Variants in MAGI3 observed in about 807,000 individuals in gnomAD.
MAGI3 encodes membrane-associated guanylate kinase, WW and PDZ domain-containing protein 3.
In MAGI3, 43 loss-of-function variants were observed where a neutral mutation model predicts 121.8. The observed-to-expected ratio is 0.35, with a 90% CI of 0.28 to 0.46. The LOEUF (loss-of-function observed/expected upper bound fraction) is 0.46, where lower values mean the gene tolerates loss of function less well. MAGI3 is among the 20% of genes least tolerant of loss of function. The pLI is 1.00. For missense variants in MAGI3, 1,547 were observed against 1,797.3 expected (o/e 0.86, Z 2.52); for synonymous variants, 553 against 639.3 (o/e 0.86, Z 2.04).
At chr1:113,604,804 A>G (rs1649649528) in intron 6 of MAGI3, among the ~76,000 whole-genome samples, 1 of 151,326 alleles carries the variant, frequency 6.6e-6, no homozygotes, top group Admixed American at 6.6e-5. Flanking sequence ...CGTATAATAG[A>G]CATTGAAGAT....
intron 7 of MAGI3, among the ~76,000 whole-genome samples, chr1:113,618,997 GTAAAACA>G (rs1233249844): frequency 6.6e-6 from 1 of 152,154 alleles, no homozygotes; most frequent in East Asian, 1.9e-4. Context: ...TTTTTCTTCT[GTAAAACA>G]TACTATCGCC....
rs140774966 is a variant in MAGI3 at position 113,467,404 on chromosome 1, G to T, written c.316+76055G>T. ...AGAATGTTCCATGTGCTGATGAGAAGAATGTATTCTGCTTGTGTTGGTGAA... is the reference window on the plus strand; with the variant it reads ...AGAATGTTCCATGTGCTGATGAGAATAATGTATTCTGCTTGTGTTGGTGAA... On this transcript the variant is annotated intron_variant, in intron 1 of 20. Coordinates refer to ENST00000307546, the MANE Select transcript of MAGI3 (RefSeq NM_001142782.2). Among the ~76,000 whole-genome samples the T allele has an allele frequency of 5.3e-4, 80 of 152,278 alleles. 1 individual carries two copies. The East Asian group carries it at 0.013, about 24-fold the overall frequency.
rs1648430115 is a variant in MAGI3 at position 113,684,525 on chromosome 1, T to C, written c.*511T>C. 1 of 152,450 alleles carries C rather than the reference T, an allele frequency of 6.6e-6. No individual in the cohort carries two copies. Among genetic ancestry groups the C allele is most frequent in the Non-Finnish European group, 1.5e-5 (1 of 68,132 alleles). 9.4% of individuals were successfully genotyped at this position (152,450 alleles called of 1,614,324 possible). On this transcript the variant is annotated 3_prime_UTR_variant, in exon 21 of 21. Coordinates refer to ENST00000307546, the MANE Select transcript of MAGI3 (RefSeq NM_001142782.2). ...GAGACTGTTAACTCATCGTTAAAGA[T>C]GGCCGTTGTCTCTTCTAACAGCTAC...
chr1:113,513,305 G>A (rs1323496969), intron 1 of MAGI3, among the ~76,000 whole-genome samples: 1 of 152,076 alleles, frequency 6.6e-6, no homozygotes, highest in Non-Finnish European at 1.5e-5. Flanking sequence ...TCAAAAAAAA[G>A]ACCACGTCGC....
At chr1:113,419,094 T>C (rs1030420524) in intron 1 of MAGI3, among the ~76,000 whole-genome samples, 7 of 152,162 alleles carry the variant, frequency 4.6e-5, no homozygotes, top group East Asian at 1.9e-4. Flanking sequence ...ATAATTCTTA[T>C]AATGTAAATA....
chr1:113,633,333 G>C (rs1302816), intron 9 of MAGI3, among the ~76,000 whole-genome samples: 104,878 of 139,144 alleles, frequency 0.75, 40,028 homozygotes, highest in African/African-American at 0.85. Context: ...GGGATCTAGG[G>C]TTACTGCAAG....
intron 1 of MAGI3, among the ~76,000 whole-genome samples, chr1:113,393,003 C>T (rs1011823180): frequency 6.6e-5 from 10 of 152,132 alleles, no homozygotes; most frequent in African/African-American, 2.2e-4. Flanking sequence ...GAGAATATAA[C>T]TTATTTTTAG....
chr1:113,543,358 C>T (rs1001007676), intron 1 of MAGI3, among the ~76,000 whole-genome samples: 6 of 152,142 alleles, frequency 3.9e-5, no homozygotes, highest in Non-Finnish European at 8.8e-5. Flanking sequence ...ACTCATAGAG[C>T]TTGCTGCTTT....
chr1:113,444,048 AG>A (rs1399054769), intron 1 of MAGI3, among the ~76,000 whole-genome samples: 3 of 152,202 alleles, frequency 2.0e-5, no homozygotes, highest in Admixed American at 6.5e-5. Flanking sequence ...AGTCTACTGA[AG>A]GCTTTCACTT....
intron 19 of MAGI3, among the ~76,000 whole-genome samples, chr1:113,673,734 T>C (rs1331465153): frequency 3.9e-5 from 6 of 152,244 alleles, no homozygotes; most frequent in Admixed American, 2.6e-4. Flanking sequence ...ATTCATTTCT[T>C]ATTCACATAG....
At chr1:113,408,396 A>G (rs1344481056) in intron 1 of MAGI3, among the ~76,000 whole-genome samples, 2 of 152,026 alleles carry the variant, frequency 1.3e-5, no homozygotes, top group African/African-American at 4.8e-5. Flanking sequence ...TAAGCACTTT[A>G]TTTTCCAAGG....
intron 1 of MAGI3, among the ~76,000 whole-genome samples, chr1:113,472,734 TTGTGTG>T (rs35390645): frequency 3.4e-4 from 47 of 139,340 alleles, no homozygotes; most frequent in African/African-American, 9.8e-4. Context: ...TCTACTACAG[TTGTGTG>T]TGTGTGTGTG....
Position 113,599,268 on chromosome 1 carries a change from A to C in MAGI3, c.1018+4708A>C, listed in dbSNP as rs536780077. ...GACACAAAAAACCCTTCAAAAAATTAATGAATCCAGGAGCTGGTTTTTTGA... is the reference window on the plus strand; with the variant it reads ...GACACAAAAAACCCTTCAAAAAATTCATGAATCCAGGAGCTGGTTTTTTGA... On this transcript the variant is annotated intron_variant, in intron 6 of 20. Transcript: ENST00000307546. Among the ~76,000 whole-genome samples, 8 of 152,288 alleles carry C rather than the reference A, an allele frequency of 5.3e-5. No individual in the cohort carries two copies. The East Asian group carries it at 1.2e-3, about 22-fold the overall frequency.
At chr1:113,474,099 C>T (rs1443738951) in intron 1 of MAGI3, among the ~76,000 whole-genome samples, 6 of 152,142 alleles carry the variant, frequency 3.9e-5, no homozygotes. Flanking sequence ...CCTTTGCCCA[C>T]TTTTTGATGG....
In MAGI3 at chr1:113,611,518, GTTAC is replaced by G. The variant is rs553147845; in HGVS notation, c.1019-3080_1019-3077del. ...ATCCTCATGGTAGTCATTAAGTTCT[GTTAC>G]TTTACCTTCTTTGTTTTATTATCCA... is the stretch of plus-strand genomic sequence containing the variant. On this transcript the variant is annotated intron_variant, in intron 6 of 20. Transcript: ENST00000307546. Among the ~76,000 whole-genome samples the G allele has an allele frequency of 2.4e-4, 36 of 152,032 alleles. No homozygotes were observed. The South Asian group carries it at 7.3e-3, about 31-fold the overall frequency.
intron 4 of MAGI3, among the ~76,000 whole-genome samples, chr1:113,589,561 G>A (rs1234689170): frequency 1.3e-5 from 2 of 152,060 alleles, no homozygotes; most frequent in Non-Finnish European, 2.9e-5. Flanking sequence ...GGGCAATGGG[G>A]AAATGGGTAG....
chr1:113,479,593 T>C (rs1310266999), intron 1 of MAGI3, among the ~76,000 whole-genome samples: 1 of 152,242 alleles, frequency 6.6e-6, no homozygotes, highest in South Asian at 2.1e-4. Flanking sequence ...TTATTATTAA[T>C]CTATTTCAGG....
At position 113,431,192 on chromosome 1, in the gene MAGI3, C is replaced by T. The variant is rs115148611; in HGVS notation, c.316+39843C>T. On this transcript the variant is annotated intron_variant, in intron 1 of 20. Transcript: ENST00000307546. The stretch of plus-strand genomic sequence containing the variant: ...CATTAACCTGGCATGGTGGTGTATG[C>T]CTATAGTGCTAGCTACTCAGGAGAC... Among the ~76,000 whole-genome samples the T allele has an allele frequency of 3.5e-3, 538 of 152,226 alleles. 5 individuals are homozygous for T. Among genetic ancestry groups the T allele is most frequent in the African/African-American group, 0.012 (498 of 41,522 alleles).
intron 1 of MAGI3, among the ~76,000 whole-genome samples, chr1:113,486,929 G>T (rs1458155659): frequency 1.3e-5 from 2 of 152,050 alleles, no homozygotes; most frequent in Admixed American, 1.3e-4. Flanking sequence ...CAGGCTGGTT[G>T]CAAACTCTTG....
Sources: gnomAD v4.1 joint callset for allele counts (sites outside exome capture counted in the v4.1 genomes callset) on GRCh38, gnomAD v4.1.1 for gene constraint, MANE v1.5 for transcripts, NCBI Gene and HGNC (gene_info 2026-07-23, HGNC 2026-07-21) for gene names.